The following POLQ variants were observed in gnomAD, a reference collection of about 807,000 sequenced individuals.
The protein encoded by POLQ is DNA polymerase theta, also known as epididymis secretory sperm binding protein.
POLQ carries 233 observed loss-of-function variants against 259.2 expected under a neutral mutation model. The observed-to-expected ratio is 0.90, with a 90% CI of 0.81 to 1.00. The LOEUF (loss-of-function observed/expected upper bound fraction) is 1.00, where lower values mean the gene tolerates loss of function less well. Ranked by LOEUF, POLQ falls within the 50% of genes least tolerant of loss-of-function variation. The probability of loss-of-function intolerance (pLI) is 0.00; values close to 1 mark genes in which losing one functional copy is unlikely to be tolerated. For missense variants in POLQ, 2,871 were observed against 3,051.6 expected (o/e 0.94, Z 1.39); for synonymous variants, 1,025 against 1,048.8 (o/e 0.98, Z 0.44).
At chr3:121,459,941 C>A in intron 25 of POLQ, 109 bp downstream of exon 25, 1 of 825,258 alleles carries the variant, frequency 1.2e-6, no homozygotes, top group Non-Finnish European at 2.0e-6. Flanking sequence ...TTTGAAAGAT[C>A]CAAAGTTGGA....
chr3:121,539,711 G>A (rs1472113225), intron 3 of POLQ, 122 bp from the exon 4 acceptor site: 1 of 725,014 alleles, frequency 1.4e-6, no homozygotes, highest in Non-Finnish European at 2.4e-6. Context: ...ACTGTCATCA[G>A]TTGTTTCTGG....
intron 21 of POLQ, among the ~76,000 whole-genome samples, 192 bp downstream of exon 21, chr3:121,473,158 T>G (rs186364375): frequency 6.6e-6 from 1 of 152,370 alleles, no homozygotes; most frequent in Admixed American, 6.5e-5. Flanking sequence ...TAACTTATGA[T>G]TCGGATTTTC....
intron 15 of POLQ, 107 bp downstream of exon 15, chr3:121,493,368 TATA>T (rs1340770815): frequency 1.8e-5 from 14 of 795,020 alleles, no homozygotes; most frequent in Non-Finnish European, 2.5e-5. Context: ...ACACCAAGTA[TATA>T]ATAAGATTAT....
intron 9 of POLQ, among the ~76,000 whole-genome samples, 165 bp downstream of exon 9, chr3:121,519,706 C>T: frequency 6.8e-6 from 1 of 146,706 alleles, no homozygotes; most frequent in South Asian, 2.2e-4. Context: ...AAAATTATAA[C>T]TCATACTCAC....
At chr3:121,486,852 G>C (rs2048015594) in intron 16 of POLQ, among the ~76,000 whole-genome samples, 1 of 147,366 alleles carries the variant, frequency 6.8e-6, no homozygotes, top group South Asian at 2.1e-4. Context: ...CTGGGCAACT[G>C]AACAAGACAA....
At position 121,487,385 on chromosome 3, in the gene POLQ, C is replaced by T. The variant is rs376715818; in HGVS notation, c.5546G>A (p.Arg1849Gln). The T allele has an allele frequency of 3.3e-5, 54 of 1,613,812 alleles. No homozygotes were observed. Among genetic ancestry groups the T allele is most frequent in the Non-Finnish European group, 4.2e-5 (49 of 1,179,928 alleles). The stretch of plus-strand genomic sequence containing the variant: ...TTCACAAGCCAGTGAGATGGAAAAT[C>T]GCTTTTTGCACCGCCACTCCTTAAT... ...TFIKEWRCKK[R>Q]FSISLACEKI... Residue 1849 changes from arginine (R) to glutamine (Q), a missense_variant, in exon 16 of 30, where the codon CGA becomes CAA. By Grantham distance (43) the Arg-to-Gln change is conservative (BLOSUM62 1). Around this residue, in one of 3 missense-constraint regions of POLQ, gnomAD observed 2,080 missense variants for 2,126.0 expected, o/e 0.98. Transcript: ENST00000264233.
Position 121,509,631 on chromosome 3 carries a change from T to C in POLQ, c.1889A>G (p.Asp630Gly). Residue 630 changes from aspartate to glycine, a missense_variant, in exon 12 of 30, where the codon GAT becomes GGT. By Grantham distance (94) the Asp-to-Gly change is moderately conservative. Around this residue, in one of 3 missense-constraint regions of POLQ, gnomAD observed 783 missense variants for 906.2 expected, o/e 0.86. Transcript: ENST00000264233. ...TGCTCTTTGCAGGTCAGCAAAAATA[T>C]CTAAAGTATCAGCTGGAGAAAGTGA... ...SSSLSPADTLDIFADLQRAMK... is the reference protein window; with the variant it reads ...SSSLSPADTLGIFADLQRAMK... The C allele has an allele frequency of 6.2e-7, 1 of 1,613,794 alleles. No homozygotes were observed. Among genetic ancestry groups the C allele is most frequent in the South Asian group, 1.1e-5 (1 of 91,076 alleles).
chr3:121,471,878 C>T (rs2047886300), intron 22 of POLQ, 112 bp downstream of exon 22: 4 of 513,268 alleles, frequency 7.8e-6, no homozygotes, highest in Non-Finnish European at 1.3e-5. Context: ...TGTAAAACTT[C>T]ACCGAACCCC....
At chr3:121,481,221 A>C (rs1247369015) in intron 19 of POLQ, among the ~76,000 whole-genome samples, 1 of 152,256 alleles carries the variant, frequency 6.6e-6, no homozygotes. Context: ...ACAACTGCAT[A>C]AATGCGATTT....
At chr3:121,531,162 G>A (rs530490240) in intron 6 of POLQ, among the ~76,000 whole-genome samples, 1 of 152,186 alleles carries the variant, frequency 6.6e-6, no homozygotes, top group African/African-American at 2.4e-5. Context: ...ACTCCAGCCT[G>A]GGCAACAAGA....
At chr3:121,462,920 A>G (rs1235634205) in intron 24 of POLQ, among the ~76,000 whole-genome samples, 3 of 152,264 alleles carry the variant, frequency 2.0e-5, no homozygotes, top group Non-Finnish European at 4.4e-5. Flanking sequence ...ATTAGTGAAG[A>G]CTACAAAATC....
In POLQ at chr3:121,449,363, C is replaced by CT; in HGVS notation, c.7215dup (p.Glu2406ArgfsTer3). 1 of 1,607,782 alleles carries CT rather than the reference C, an allele frequency of 6.2e-7. No homozygotes were observed. The highest frequency in any genetic ancestry group is 2.2e-5 in the East Asian group (1 of 44,786). ...TCAATATAGCATGCAGCATCATTTT[C>CT]TTTAATGCCCATCTGCTCTCCCAAA... On this transcript the variant is annotated frameshift_variant, in exon 26 of 30. Transcript: ENST00000264233. LOFTEE classifies it high-confidence loss of function.
intron 18 of POLQ, 135 bp from the exon 19 acceptor site, chr3:121,481,947 C>A (rs1229734663): frequency 6.3e-6 from 5 of 792,630 alleles, no homozygotes; most frequent in South Asian, 2.1e-5. Flanking sequence ...CAGTGGTCTT[C>A]CCAGGAAAGA....
At chr3:121,486,020 GA>G (rs1247187494) in intron 16 of POLQ, among the ~76,000 whole-genome samples, 53 of 152,154 alleles carry the variant, frequency 3.5e-4, no homozygotes, top group African/African-American at 1.3e-3. Context: ...AATAAGACAG[GA>G]ATATACATAG....
chr3:121,454,345 T>G (rs940796837), intron 25 of POLQ, among the ~76,000 whole-genome samples: 2 of 152,192 alleles, frequency 1.3e-5, no homozygotes, highest in African/African-American at 4.8e-5. Context: ...AATAACCAGT[T>G]AACATCATAA....
intron 15 of POLQ, 116 bp downstream of exon 15, chr3:121,493,362 C>G (rs1198045837): frequency 3.9e-6 from 3 of 760,116 alleles, no homozygotes; most frequent in Non-Finnish European, 4.0e-6. Flanking sequence ...CCACTTACAC[C>G]AAGTATATAA....
At chr3:121,441,722 A>G (rs1184157768) in intron 26 of POLQ, among the ~76,000 whole-genome samples, 3 of 152,200 alleles carry the variant, frequency 2.0e-5, no homozygotes, top group Non-Finnish European at 2.9e-5. Flanking sequence ...TCCTTTGGAC[A>G]TGCTTTCATT....
rs56265925 is a variant in POLQ, at chr3:121,498,497, T to G, written c.2133A>C (p.Arg711=). Residue 711 remains arginine (R), a synonymous_variant, in exon 13 of 30, where the codon CGA becomes CGC. Coordinates refer to ENST00000264233, the MANE Select transcript of POLQ (RefSeq NM_199420.4). The part of the protein sequence containing the change: ...KVVARTERQH[R]QMAIHKRFFT... ...TTTACCTTTTATGGATGGCCATTTG[T>G]CGATGCTGTCTCTCAGTTCTGGCTA... 5.0e-6 allele frequency: 8 copies of G among 1,613,996 alleles called. No homozygotes were observed. The East Asian group carries it at 1.8e-4, about 36-fold the overall frequency.
At position 121,460,091 on chromosome 3, in the gene POLQ, G is replaced by T. The variant is rs550897860; in HGVS notation, c.7111C>A (p.Pro2371Thr). Residue 2371 changes from proline (P) to threonine (T), a missense_variant, in exon 25 of 30, where the codon CCA becomes ACA. This residue lies in a region of POLQ where 2,080 missense variants were observed against 2,126.0 expected (regional missense o/e 0.98). Transcript: ENST00000264233. ...SIAAEWKMIE[P>T]ESVGDDLRQQ... is the part of the protein sequence containing the mutation. ...CTCAGATCATCCCCAACAGACTCTG[G>T]CTCAATCATCTTCCACTCTGCTGCA... 7.4e-6 allele frequency: 12 copies of T among 1,613,986 alleles called. No individual in the cohort carries two copies. Among genetic ancestry groups the T allele is most frequent in the Non-Finnish European group, 1.0e-5 (12 of 1,179,926 alleles).
Sources: allele counts gnomAD v4.1 joint callset (sites outside exome capture counted in the v4.1 genomes callset), GRCh38; gene constraint gnomAD v4.1.1; regional missense constraint gnomAD v4.1.1; transcripts MANE v1.5; gene names NCBI Gene and HGNC (gene_info 2026-07-23, HGNC 2026-07-21).